SGK3: variants seen among roughly 807,000 people sequenced by gnomAD.
The protein encoded by SGK3 is serum/glucocorticoid regulated kinase family member 3.
Under a neutral mutation model 68.5 loss-of-function variants are expected in SGK3, and 47 were observed. The ratio of observed to expected loss-of-function variants is 0.69; its 90% CI spans 0.54 to 0.87. SGK3 has a LOEUF of 0.87. SGK3 is among the 40% of genes least tolerant of loss of function. The pLI is 0.00. For synonymous variants in SGK3, 181 were observed against 189.1 expected (o/e 0.96, Z 0.35); for missense variants, 479 against 575.5 (o/e 0.83, Z 1.72).
chr8:66,751,107 A>G (rs922708400), intron 1 of SGK3, among the ~76,000 whole-genome samples: 1 of 151,896 alleles, frequency 6.6e-6, no homozygotes, highest in African/African-American at 2.4e-5. Flanking sequence ...AGACCATCCT[A>G]GCTAACACAC....
At chr8:66,767,887 T>A in intron 1 of SGK3, 1 of 1,258,608 alleles carries the variant, frequency 7.9e-7, no homozygotes. Context: ...TATTGAAACT[T>A]GAGATCTCCC....
chr8:66,805,773 C>T (rs1192937088), intron 4 of SGK3, among the ~76,000 whole-genome samples: 1 of 152,200 alleles, frequency 6.6e-6, no homozygotes, highest in Admixed American at 6.5e-5. Context: ...GATTGCCCTC[C>T]TTCCCCAACT....
intron 1 of SGK3, among the ~76,000 whole-genome samples, chr8:66,730,902 G>T (rs1216379432): frequency 1.3e-5 from 2 of 151,790 alleles, no homozygotes; most frequent in Non-Finnish European, 2.9e-5. Flanking sequence ...GGCCAGGCTG[G>T]TCTCCAACTC....
At chr8:66,848,348 A>G (rs1000796443) in intron 15 of SGK3, among the ~76,000 whole-genome samples, 12 of 152,060 alleles carry the variant, frequency 7.9e-5, no homozygotes, top group Admixed American at 7.9e-4. Flanking sequence ...GTGCTTCCCC[A>G]CTGTCTGGTA....
intron 1 of SGK3, among the ~76,000 whole-genome samples, chr8:66,729,596 A>G (rs377068031): frequency 6.6e-6 from 1 of 152,140 alleles, no homozygotes; most frequent in Admixed American, 6.5e-5. Context: ...ATTTTTGAGT[A>G]TTTATATGAA....
chr8:66,726,246 G>C (rs1444704372), intron 1 of SGK3, among the ~76,000 whole-genome samples: 6 of 152,142 alleles, frequency 3.9e-5, no homozygotes, highest in Non-Finnish European at 5.9e-5. Flanking sequence ...ATAACGCTGT[G>C]GGATGGGTAG....
intron 5 of SGK3, among the ~76,000 whole-genome samples, chr8:66,820,211 A>G (rs1808753909): frequency 6.6e-6 from 1 of 152,100 alleles, no homozygotes; most frequent in Non-Finnish European, 1.5e-5. Flanking sequence ...TTAAAAAGAA[A>G]CTTTACCTCC....
At position 66,777,762 on chromosome 8, in the gene SGK3, TGA is replaced by T. The variant is rs560672169; in HGVS notation, c.-121-15853_-121-15852del. Reference sequence around the variant, plus strand: ...CTGACATTCAGAATTCCCTACAACATGATTTAAAGCCCACTTTTACAGTCTGT... The same window carrying T: ...CTGACATTCAGAATTCCCTACAACATTTTAAAGCCCACTTTTACAGTCTGT... On this transcript the variant is annotated intron_variant, in intron 1 of 16. Coordinates refer to ENST00000521198, the MANE Select transcript of SGK3 (RefSeq NM_001033578.3). 5.4e-3 allele frequency among the ~76,000 whole-genome samples: 815 copies of T among 152,288 alleles called. 10 individuals are homozygous for T. The highest frequency in any genetic ancestry group is 0.018 in the African/African-American group (732 of 41,562).
chr8:66,834,647 AATCTTAGAAACCAACAAAG>A (rs1325344152), intron 8 of SGK3, among the ~76,000 whole-genome samples: 2 of 152,166 alleles, frequency 1.3e-5, no homozygotes, highest in Non-Finnish European at 2.9e-5. Context: ...GCACTCCTGT[AATCTTAGAAACCAACAAAG>A]TGCACGCCTG....
rs148165596 is a variant in SGK3 at position 66,801,696 on chromosome 8, C to T, written c.181-2679C>T. Among the ~76,000 whole-genome samples the T allele has an allele frequency of 2.9e-3, 440 of 152,096 alleles. 5 individuals are homozygous for T. Among genetic ancestry groups the T allele is most frequent in the African/African-American group, 0.01 (427 of 41,482 alleles). Reference sequence around the variant, plus strand: ...CACACACACACACACCCCACATACACCACATACATTTGAGACTTCTTTCTG... The same window carrying T: ...CACACACACACACACCCCACATACATCACATACATTTGAGACTTCTTTCTG... On this transcript the variant is annotated intron_variant, in intron 3 of 16. Coordinates refer to ENST00000521198, the MANE Select transcript of SGK3 (RefSeq NM_001033578.3).
At chr8:66,816,213 AG>A (rs1364058627) in intron 5 of SGK3, among the ~76,000 whole-genome samples, 1 of 151,926 alleles carries the variant, frequency 6.6e-6, no homozygotes, top group African/African-American at 2.4e-5. Context: ...CATGTTAGCC[AG>A]GATGGTCTTC....
chr8:66,748,153 CTGCCTCCTACTT>C (rs1805703669), intron 1 of SGK3, among the ~76,000 whole-genome samples: 1 of 152,202 alleles, frequency 6.6e-6, no homozygotes, highest in African/African-American at 2.4e-5. Context: ...TCCTCCTACT[CTGCCTCCTACTT>C]ACTCAGGATG....
Position 66,796,162 on chromosome 8 carries a change from G to A in SGK3, c.96+2330G>A, listed in dbSNP as rs190427784. Among the ~76,000 whole-genome samples the A allele has an allele frequency of 8.5e-4, 129 of 151,606 alleles. 1 individual carries two copies. Among genetic ancestry groups the A allele is most frequent in the Admixed American group, 4.1e-3 (62 of 15,168 alleles). On this transcript the variant is annotated intron_variant, in intron 2 of 16. Coordinates refer to ENST00000521198, the MANE Select transcript of SGK3 (RefSeq NM_001033578.3). ...TTATTTTATTTATTTTTTTGAGACAGAATCTCGCTCTGTCGCCAGGCTGGA... is the reference window on the plus strand; with the variant it reads ...TTATTTTATTTATTTTTTTGAGACAAAATCTCGCTCTGTCGCCAGGCTGGA...
At chr8:66,732,130 A>G (rs1226470724) in intron 1 of SGK3, among the ~76,000 whole-genome samples, 1 of 152,230 alleles carries the variant, frequency 6.6e-6, no homozygotes. Flanking sequence ...TCATTGGAAC[A>G]GTATTTAATT....
chr8:66,802,654 A>T (rs1807993317), intron 3 of SGK3, among the ~76,000 whole-genome samples: 1 of 151,348 alleles, frequency 6.6e-6, no homozygotes, highest in African/African-American at 2.4e-5. Flanking sequence ...ATAGAGCAAG[A>T]CACTATCTTA....
intron 8 of SGK3, among the ~76,000 whole-genome samples, chr8:66,832,394 AGTTT>A (rs1262555176): frequency 5.3e-5 from 8 of 152,248 alleles, no homozygotes; most frequent in Admixed American, 2.6e-4. Flanking sequence ...TGGTAACTCT[AGTTT>A]GTTTTCTGGG....
intron 3 of SGK3, among the ~76,000 whole-genome samples, chr8:66,799,562 G>T (rs1347543747): frequency 2.0e-5 from 3 of 152,180 alleles, no homozygotes; most frequent in African/African-American, 7.2e-5. Context: ...GACAGTCCTG[G>T]ATTTAAAGCT....
intron 1 of SGK3, among the ~76,000 whole-genome samples, chr8:66,717,523 T>C (rs1804672169): frequency 6.6e-6 from 1 of 151,322 alleles, no homozygotes; most frequent in African/African-American, 2.4e-5. Flanking sequence ...GTGAGACTCC[T>C]TCTCAAAAAA....
At chr8:66,797,653 T>C (rs1807753614) in intron 2 of SGK3, among the ~76,000 whole-genome samples, 1 of 152,224 alleles carries the variant, frequency 6.6e-6, no homozygotes, top group Non-Finnish European at 1.5e-5. Flanking sequence ...AAATTCTTAT[T>C]AATAGTTTGA....
Sources: gnomAD v4.1 joint callset for allele counts (sites outside exome capture counted in the v4.1 genomes callset) on GRCh38, gnomAD v4.1.1 for gene constraint, MANE v1.5 for transcripts, NCBI Gene and HGNC (gene_info 2026-07-23, HGNC 2026-07-21) for gene names.